The following GPC6 variants were observed in gnomAD, a reference collection of about 807,000 sequenced individuals.
The protein encoded by GPC6 is glypican-6.
In GPC6, 14 loss-of-function variants were observed where a neutral mutation model predicts 55.2. The ratio of observed to expected loss-of-function variants is 0.25; its 90% CI spans 0.17 to 0.40. The LOEUF is 0.40. Ranked by LOEUF, GPC6 falls within the 10% of genes least tolerant of loss-of-function variation. The pLI is 1.00. For missense variants in GPC6, 641 were observed against 708.5 expected, an observed-to-expected ratio of 0.90 and a Z score of 1.08; for synonymous variants, 278 against 259.6, an observed-to-expected ratio of 1.07 and a Z score of -0.68.
chr13:93,579,526 T>G (rs1876837813), intron 2 of GPC6, among the ~76,000 whole-genome samples: 2 of 152,190 alleles, frequency 1.3e-5, no homozygotes, highest in Middle Eastern at 3.4e-3. Flanking sequence ...AAATTATGTG[T>G]GTGAACTATG....
intron 2 of GPC6, among the ~76,000 whole-genome samples, chr13:93,677,856 C>T (rs7323912): frequency 0.1 from 15,360 of 152,022 alleles, 1,516 homozygotes; most frequent in African/African-American, 0.25. Context: ...GTGGGTGGCC[C>T]ATGGGATAAA....
intron 4 of GPC6, among the ~76,000 whole-genome samples, chr13:94,120,319 C>T (rs1227246938): frequency 6.6e-6 from 1 of 152,052 alleles, no homozygotes; most frequent in African/African-American, 2.4e-5. Context: ...CTTTAGGATT[C>T]AGCAGAAAAC....
At chr13:93,640,104 A>G (rs1879850382) in intron 2 of GPC6, among the ~76,000 whole-genome samples, 1 of 152,076 alleles carries the variant, frequency 6.6e-6, no homozygotes, top group Admixed American at 6.6e-5. Flanking sequence ...TATCTTTATA[A>G]CTTCTTTATG....
intron 1 of GPC6, among the ~76,000 whole-genome samples, chr13:93,246,789 CAAAAAAAAAAAAA>C (rs767827311): frequency 2.9e-4 from 12 of 40,848 alleles, no homozygotes; most frequent in Admixed American, 1.6e-3. Context: ...AAGACTGTCT[CAAAAAAAAAAAAA>C]AAAAAAAAAA....
At chr13:93,603,040 C>T (rs1397361626) in intron 2 of GPC6, among the ~76,000 whole-genome samples, 1 of 151,450 alleles carries the variant, frequency 6.6e-6, no homozygotes. Context: ...GACAAGTTCT[C>T]CATATGTTAC....
intron 2 of GPC6, among the ~76,000 whole-genome samples, chr13:93,632,262 T>C (rs1879478659): frequency 6.6e-6 from 1 of 152,072 alleles, no homozygotes; most frequent in South Asian, 2.1e-4. Flanking sequence ...GTGCTGACAG[T>C]GGGTATGTGA....
chr13:93,736,556 C>CTACAAAT (rs1223380724), intron 2 of GPC6, among the ~76,000 whole-genome samples: 1 of 152,038 alleles, frequency 6.6e-6, no homozygotes, highest in Non-Finnish European at 1.5e-5. Flanking sequence ...TACATAATAA[C>CTACAAAT]TACAAATTTC....
chr13:94,071,714 T>C (rs1386909373), intron 4 of GPC6, among the ~76,000 whole-genome samples: 1 of 152,200 alleles, frequency 6.6e-6, no homozygotes, highest in Non-Finnish European at 1.5e-5. Flanking sequence ...AAAGCAGCAA[T>C]ACTTACAGAA....
chr13:93,853,120 T>G (rs1366039571), intron 3 of GPC6, among the ~76,000 whole-genome samples: 1 of 151,864 alleles, frequency 6.6e-6, no homozygotes, highest in Middle Eastern at 3.4e-3. Flanking sequence ...TGAAAAGTTT[T>G]ATTTAAAAAC....
At chr13:93,371,394 T>C (rs948112510) in intron 1 of GPC6, among the ~76,000 whole-genome samples, 36 of 152,256 alleles carry the variant, frequency 2.4e-4, no homozygotes, top group African/African-American at 8.2e-4. Flanking sequence ...ATAATATTGG[T>C]TCATTTTATT....
At chr13:93,990,611 C>G (rs1356066442) in intron 3 of GPC6, among the ~76,000 whole-genome samples, 1 of 151,862 alleles carries the variant, frequency 6.6e-6, no homozygotes, top group Non-Finnish European at 1.5e-5. Context: ...AGCCCCTGCA[C>G]TTTGGGAGGC....
chr13:94,175,691 A>G (rs1888723471), intron 4 of GPC6, among the ~76,000 whole-genome samples: 1 of 151,624 alleles, frequency 6.6e-6, no homozygotes. Flanking sequence ...TTTAATTTTA[A>G]TTATTCTGCA....
At chr13:93,263,934 CCAG>C (rs1877237690) in intron 1 of GPC6, among the ~76,000 whole-genome samples, 2 of 152,168 alleles carry the variant, frequency 1.3e-5, no homozygotes, top group Admixed American at 1.3e-4. Flanking sequence ...TACTCTCACA[CCAG>C]CAGCTCAGAC....
At chr13:93,281,148 CT>C (rs1877936466) in intron 1 of GPC6, among the ~76,000 whole-genome samples, 1 of 152,212 alleles carries the variant, frequency 6.6e-6, no homozygotes, top group Non-Finnish European at 1.5e-5. Context: ...CCAGATTCTA[CT>C]ATATCTGCCA....
chr13:94,261,232 G>A (rs538551422), intron 4 of GPC6, among the ~76,000 whole-genome samples: 3 of 152,218 alleles, frequency 2.0e-5, no homozygotes, highest in East Asian at 1.9e-4. Context: ...CCAAGACCAC[G>A]CCACTTCACT....
chr13:93,369,354 T>G (rs990842613), intron 1 of GPC6, among the ~76,000 whole-genome samples: 1 of 152,066 alleles, frequency 6.6e-6, no homozygotes, highest in African/African-American at 2.4e-5. Flanking sequence ...AGATATACGA[T>G]GGAAACATTA....
At chr13:94,383,230 A>G (rs1050598876) in intron 7 of GPC6, among the ~76,000 whole-genome samples, 3 of 152,102 alleles carry the variant, frequency 2.0e-5, no homozygotes, top group Non-Finnish European at 1.5e-5. Flanking sequence ...ACTGGTTGGG[A>G]GTTGGCAGGC....
At chr13:94,143,881 C>A (rs1280210314) in intron 4 of GPC6, among the ~76,000 whole-genome samples, 1 of 152,084 alleles carries the variant, frequency 6.6e-6, no homozygotes, top group Non-Finnish European at 1.5e-5. Context: ...ACAGTGAGAT[C>A]TTCTCAAAAA....
chr13:94,025,690 T>G (rs757862590), intron 3 of GPC6: 3 of 152,184 alleles, frequency 2.0e-5, no homozygotes, highest in Non-Finnish European at 4.4e-5. Flanking sequence ...CTCCTCACCT[T>G]TATACCCATT....
Sources: gnomAD v4.1 joint callset for allele counts (sites outside exome capture counted in the v4.1 genomes callset) on GRCh38, gnomAD v4.1.1 for gene constraint, MANE v1.5 for transcripts, NCBI Gene and HGNC (gene_info 2026-07-23, HGNC 2026-07-21) for gene names.